The following DYM variants were observed in gnomAD, a reference collection of about 807,000 sequenced individuals.
DYM encodes the protein dyggve-Melchior-Clausen syndrome protein.
Under a neutral mutation model 93.1 loss-of-function variants are expected in DYM, and 78 were observed. The ratio of observed to expected loss-of-function variants is 0.84; its 90% CI spans 0.70 to 1.01. The LOEUF is 1.01. Ranked by LOEUF, DYM falls within the 50% of genes least tolerant of loss-of-function variation. The probability of loss-of-function intolerance (pLI) is 0.00; values close to 1 mark genes in which losing one functional copy is unlikely to be tolerated. For missense variants in DYM, 789 were observed against 845.0 expected (o/e 0.93, Z 0.82); for synonymous variants, 321 against 319.7 (o/e 1.00, Z -0.04).
intron 13 of DYM, 51 bp downstream of exon 13, chr18:49,256,959 T>C (rs2094403492): frequency 1.4e-6 from 2 of 1,478,564 alleles, no homozygotes; most frequent in African/African-American, 2.8e-5. Flanking sequence ...GTATCCATCT[T>C]AATAGCTCAG....
chr18:49,103,629 A>G (rs2080433749), intron 16 of DYM, among the ~76,000 whole-genome samples: 1 of 152,156 alleles, frequency 6.6e-6, no homozygotes, highest in South Asian at 2.1e-4. Flanking sequence ...CTTTCTACAT[A>G]TGGCTAGCCA....
intron 6 of DYM, among the ~76,000 whole-genome samples, chr18:49,355,211 C>T (rs932000255): frequency 6.6e-6 from 1 of 151,516 alleles, no homozygotes; most frequent in Admixed American, 6.6e-5. Context: ...ATACACTGAT[C>T]AATAAACTTA....
rs2081339224 is a variant in DYM at position 49,440,910 on chromosome 18, T to TAA, written c.-53-10464_-53-10463insTT. Among the ~76,000 whole-genome samples, 19 of 38,572 alleles carry TAA rather than the reference T, an allele frequency of 4.9e-4. 6 individuals are homozygous for TAA. Among genetic ancestry groups the TAA allele is most frequent in the African/African-American group, 1.5e-3 (14 of 9,558 alleles). The allele number at this position is 38,572 out of a possible 152,430, so 25.3% of individuals were successfully genotyped here. On this transcript the variant is annotated intron_variant, in intron 1 of 17. Transcript: ENST00000675505. ...TATATAATATATTTATATAAATATA[T>TAA]TATATTTTATATAATATATTATATA...
intron 17 of DYM, among the ~76,000 whole-genome samples, chr18:49,053,870 A>G (rs2075244524): frequency 6.6e-6 from 1 of 152,196 alleles, no homozygotes; most frequent in Non-Finnish European, 1.5e-5. Context: ...AAAGAGAGGA[A>G]TAACTTCTGC....
chr18:49,381,901 T>A (rs2068074471), intron 3 of DYM, among the ~76,000 whole-genome samples: 1 of 146,276 alleles, frequency 6.8e-6, no homozygotes, highest in African/African-American at 2.6e-5. Context: ...GACCTCAGGG[T>A]AAACTTTTTA....
At chr18:49,154,370 A>G (rs1421473943) in intron 15 of DYM, among the ~76,000 whole-genome samples, 1 of 151,958 alleles carries the variant, frequency 6.6e-6, no homozygotes, top group Non-Finnish European at 1.5e-5. Context: ...CAAAAGGGAG[A>G]ATTGGGTGAA....
At chr18:49,201,440 T>C (rs1227814347) in intron 14 of DYM, among the ~76,000 whole-genome samples, 1 of 152,196 alleles carries the variant, frequency 6.6e-6, no homozygotes, top group Non-Finnish European at 1.5e-5. Context: ...TTCATTTAAA[T>C]GCATGACAGT....
intron 2 of DYM, among the ~76,000 whole-genome samples, chr18:49,398,967 A>G (rs192844712): frequency 6.6e-6 from 1 of 152,340 alleles, no homozygotes; most frequent in East Asian, 1.9e-4. Context: ...TCTTCAGTCA[A>G]TGGCACTCTC....
intron 6 of DYM, 60 bp downstream of exon 6, chr18:49,363,101 C>A: frequency 1.5e-6 from 2 of 1,358,048 alleles, no homozygotes; most frequent in South Asian, 2.3e-5. Flanking sequence ...TCAACATGAT[C>A]AATGATTATC....
At chr18:49,129,364 C>A (rs188305878) in intron 15 of DYM, among the ~76,000 whole-genome samples, 16 of 152,220 alleles carry the variant, frequency 1.1e-4, no homozygotes, top group Admixed American at 9.2e-4. Context: ...GAGAAAAAAA[C>A]CAGGTAACTT....
intron 15 of DYM, among the ~76,000 whole-genome samples, chr18:49,120,422 G>C (rs2082282724): frequency 6.6e-6 from 1 of 152,112 alleles, no homozygotes; most frequent in Non-Finnish European, 1.5e-5. Context: ...AGCAGGAGTG[G>C]CTATACAGTA....
intron 13 of DYM, among the ~76,000 whole-genome samples, chr18:49,211,204 A>T (rs1345528356): frequency 6.6e-6 from 1 of 152,176 alleles, no homozygotes; most frequent in South Asian, 2.1e-4. Flanking sequence ...CCTCAAACCC[A>T]TAAGCGAACA....
At chr18:49,071,461 A>G (rs2076884733) in intron 17 of DYM, among the ~76,000 whole-genome samples, 1 of 152,230 alleles carries the variant, frequency 6.6e-6, no homozygotes, top group Non-Finnish European at 1.5e-5. Flanking sequence ...CAAGTTCACA[A>G]AAGCTTATCT....
chr18:49,151,773 T>G lies in DYM; in HGVS notation c.1728+11912A>C, dbSNP rs139578024. On this transcript the variant is annotated intron_variant, in intron 15 of 17. Coordinates refer to ENST00000675505, the MANE Select transcript of DYM (RefSeq NM_001353214.3). Reference sequence around the variant, plus strand: ...AAATCAAGGATAAATCAAAGAAAATTCCAAATAGGAGACTTCTTTTCTTCC... The same window carrying G: ...AAATCAAGGATAAATCAAAGAAAATGCCAAATAGGAGACTTCTTTTCTTCC... Among the ~76,000 whole-genome samples, 478 of 152,198 alleles carry G rather than the reference T, an allele frequency of 3.1e-3. 3 individuals are homozygous for G. The highest frequency in any genetic ancestry group is 0.011 in the African/African-American group (443 of 41,524).
chr18:49,363,092 C>A (rs1302361101), intron 6 of DYM, 69 bp downstream of exon 6: 13 of 1,311,138 alleles, frequency 9.9e-6, no homozygotes, highest in Middle Eastern at 1.8e-4. Flanking sequence ...ACAAACTTCT[C>A]AACATGATCA....
chr18:49,103,315 C>T (rs1436585600), intron 16 of DYM, among the ~76,000 whole-genome samples: 7 of 152,080 alleles, frequency 4.6e-5, no homozygotes, highest in Non-Finnish European at 1.0e-4. Flanking sequence ...GATATTAGCC[C>T]CTTGTCAGAT....
intron 2 of DYM, among the ~76,000 whole-genome samples, chr18:49,427,701 T>A (rs1239402065): frequency 6.6e-6 from 1 of 152,176 alleles, no homozygotes; most frequent in Non-Finnish European, 1.5e-5. Flanking sequence ...CAATGGAGTA[T>A]CACTCAACAA....
At chr18:49,237,322 A>G (rs1224085932) in intron 13 of DYM, among the ~76,000 whole-genome samples, 1 of 152,236 alleles carries the variant, frequency 6.6e-6, no homozygotes, top group Non-Finnish European at 1.5e-5. Flanking sequence ...ATATGGCATT[A>G]GCAATATTCA....
intron 17 of DYM, among the ~76,000 whole-genome samples, chr18:49,092,499 C>A (rs942285684): frequency 6.6e-6 from 1 of 152,208 alleles, no homozygotes; most frequent in African/African-American, 2.4e-5. Context: ...AGCTCTGCAA[C>A]GCAAGGGGGT....
Sources: allele counts gnomAD v4.1 joint callset (sites outside exome capture counted in the v4.1 genomes callset), GRCh38; gene constraint gnomAD v4.1.1; transcripts MANE v1.5; gene names NCBI Gene and HGNC (gene_info 2026-07-23, HGNC 2026-07-21).